Variants in TNN observed in about 807,000 individuals in gnomAD.
The protein encoded by TNN is tenascin N, also known as tenascin-N.
TNN carries 122 observed loss-of-function variants against 134.4 expected under a neutral mutation model. That is an observed-to-expected ratio of 0.91 (90% CI 0.78 to 1.06). The LOEUF (loss-of-function observed/expected upper bound fraction) is 1.06, where lower values mean the gene tolerates loss of function less well. Ranked by LOEUF, TNN falls within the 50% of genes least tolerant of loss-of-function variation. The probability of loss-of-function intolerance (pLI) is 0.00; values close to 1 mark genes in which losing one functional copy is unlikely to be tolerated. For missense variants in TNN, 1,739 were observed against 1,699.4 expected, an observed-to-expected ratio of 1.02 and a Z score of -0.41; for synonymous variants, 710 against 670.3, an observed-to-expected ratio of 1.06 and a Z score of -0.91.
intron 17 of TNN, among the ~76,000 whole-genome samples, chr1:175,141,465 T>G (rs1393842773): frequency 6.6e-6 from 1 of 152,050 alleles, no homozygotes; most frequent in Non-Finnish European, 1.5e-5. Flanking sequence ...CAGGGATGGA[T>G]TTTTAAATGC....
In TNN at chr1:175,146,646, A is replaced by G. The variant is rs538496002; in HGVS notation, c.3760-285A>G. On this transcript the variant is annotated intron_variant, in intron 18 of 18. Transcript: ENST00000239462. ...CTCTGTGGCTGCTCTGGCCTCACCC[A>G]GCTCCCGGGCTCACACCCCCTTGCT... 1.8e-4 allele frequency among the ~76,000 whole-genome samples: 27 copies of G among 151,918 alleles called. No homozygotes were observed. In the East Asian group the frequency reaches 5.0e-3, roughly 28 times the overall value.
chr1:175,111,485 T>A (rs1348292107), intron 9 of TNN, among the ~76,000 whole-genome samples: 1 of 38,106 alleles, frequency 2.6e-5, no homozygotes, highest in Admixed American at 4.9e-4. Context: ...AGACTCTGTC[T>A]CAAAAAAAAA....
intron 15 of TNN, among the ~76,000 whole-genome samples, chr1:175,130,397 T>C (rs1160847137): frequency 6.6e-6 from 1 of 152,178 alleles, no homozygotes; most frequent in Admixed American, 6.5e-5. Flanking sequence ...GATTGATTTA[T>C]AAAAACAACA....
intron 7 of TNN, among the ~76,000 whole-genome samples, chr1:175,097,063 G>T (rs1372650410): frequency 6.6e-6 from 1 of 152,176 alleles, no homozygotes; most frequent in African/African-American, 2.4e-5. Flanking sequence ...CAGTATAATT[G>T]CTTTCTAGTA....
intron 9 of TNN, among the ~76,000 whole-genome samples, chr1:175,105,765 A>G (rs1001164742): frequency 1.0e-4 from 15 of 145,480 alleles, no homozygotes; most frequent in African/African-American, 3.7e-4. Flanking sequence ...ATGCATTTCA[A>G]GGGTGAACCT....
At chr1:175,085,617 G>A (rs538044656) in intron 6 of TNN, 123 bp downstream of exon 6, 6 of 722,732 alleles carry the variant, frequency 8.3e-6, no homozygotes, top group East Asian at 2.8e-5. Context: ...GCTCACGCCT[G>A]TAATCCCAGC....
chr1:175,134,431 GCTA>G (rs1303555383), intron 15 of TNN, among the ~76,000 whole-genome samples: 1 of 151,904 alleles, frequency 6.6e-6, no homozygotes, highest in Non-Finnish European at 1.5e-5. Flanking sequence ...TGTAATCCCA[GCTA>G]CTTGGGAGGC....
intron 6 of TNN, among the ~76,000 whole-genome samples, chr1:175,088,930 T>A (rs1674379064): frequency 6.6e-6 from 1 of 152,198 alleles, no homozygotes. Context: ...GTTTCTGAGG[T>A]CTGAGAGCAT....
intron 6 of TNN, among the ~76,000 whole-genome samples, chr1:175,093,146 G>C (rs777510330): frequency 4.6e-5 from 7 of 152,222 alleles, no homozygotes; most frequent in Non-Finnish European, 1.0e-4. Context: ...ATAGTCCACT[G>C]TCCCTCTCAC....
Position 175,131,899 on chromosome 1 carries a change from G to T in TNN, c.3330+3153G>T, listed in dbSNP as rs144822139. On this transcript the variant is annotated intron_variant, in intron 15 of 18. Transcript: ENST00000239462. ...AGAATCATTTTTGGAAGCTTCCCTG[G>T]CCCAGATGAAGTATTATTACACACA... 5.8e-5 allele frequency among the ~76,000 whole-genome samples: 8 copies of T among 138,934 alleles called. No homozygotes were observed. In the East Asian group the frequency reaches 1.6e-3, roughly 29 times the overall value. 91.1% of individuals were successfully genotyped at this position (138,934 alleles called of 152,430 possible).
chr1:175,102,723 C>A (rs1364638718), intron 9 of TNN, among the ~76,000 whole-genome samples: 1 of 146,212 alleles, frequency 6.8e-6, no homozygotes, highest in Non-Finnish European at 1.5e-5. Flanking sequence ...GGGCTCCAGC[C>A]TTGGCCAGCC....
chr1:175,077,047 A>G (rs1258872860), intron 1 of TNN, among the ~76,000 whole-genome samples: 1 of 152,238 alleles, frequency 6.6e-6, no homozygotes, highest in Non-Finnish European at 1.5e-5. Flanking sequence ...GTTGCTGTAA[A>G]GATCCAGAAT....
intron 1 of TNN, among the ~76,000 whole-genome samples, chr1:175,071,057 C>G (rs1022535067): frequency 6.6e-6 from 1 of 152,216 alleles, no homozygotes; most frequent in Non-Finnish European, 1.5e-5. Context: ...CATTTGGGGA[C>G]AGAATATCTT....
chr1:175,146,911 T>TG lies in TNN; in HGVS notation c.3760-20_3760-19insG. On this transcript the variant is annotated intron_variant, in intron 18 of 18. Transcript: ENST00000239462. ...CCTAAGAGCCTCTTCTTGATGTGGC[T>TG]TTTTTTTTTTTTTTGGTAGGGGGTG... 1 of 260,876 alleles carries TG rather than the reference T, an allele frequency of 3.8e-6. No individual in the cohort carries two copies. The highest frequency in any genetic ancestry group is 5.3e-6 in the Non-Finnish European group (1 of 187,842). The allele number at this position is 260,876 out of a possible 1,614,324, so 16.2% of individuals were successfully genotyped here. A position where few individuals can be genotyped will look rare whatever the true frequency, so the allele number is the denominator to read the frequency against.
chr1:175,131,366 C>T (rs562779439), intron 15 of TNN, among the ~76,000 whole-genome samples: 1 of 152,206 alleles, frequency 6.6e-6, no homozygotes, highest in Non-Finnish European at 1.5e-5. Context: ...TCATTCAGGG[C>T]ATTGAGTAAG....
intron 11 of TNN, among the ~76,000 whole-genome samples, chr1:175,119,194 G>A (rs762461482): frequency 3.3e-5 from 5 of 152,234 alleles, no homozygotes; most frequent in Admixed American, 6.5e-5. Flanking sequence ...AGCCCTGAGG[G>A]CTTGTGGTTG....
At position 175,079,501 on chromosome 1, in the gene TNN, T is replaced by A. The variant is rs377059155; in HGVS notation, c.578T>A (p.Val193Glu). 6.4e-7 allele frequency: 1 copy of A among 1,562,510 alleles called. No individual in the cohort carries two copies. The highest frequency in any genetic ancestry group is 8.7e-7 in the Non-Finnish European group (1 of 1,155,040). Residue 193 changes from valine (V) to glutamate (E), a missense_variant, in exon 3 of 19, where the codon GTG becomes GAG. Val to Glu is a moderately radical substitution (Grantham distance 121, BLOSUM62 -2). Coordinates refer to ENST00000239462, the MANE Select transcript of TNN (RefSeq NM_022093.2). Reference protein sequence around the residue: ...DGRCLCHEPYVGADCGYPACP... With the variant: ...DGRCLCHEPYEGADCGYPACP... ...CGCTGCCTGTGCCATGAGCCCTACG[T>A]GGGTGCCGACTGCGGCTACCCGGCC...
chr1:175,081,156 C>A (rs1185708336), intron 4 of TNN, among the ~76,000 whole-genome samples: 1 of 152,224 alleles, frequency 6.6e-6, no homozygotes, highest in Non-Finnish European at 1.5e-5. Flanking sequence ...TCACAGAGAT[C>A]ACAGCCTGGG....
intron 18 of TNN, among the ~76,000 whole-genome samples, chr1:175,145,911 C>T (rs1676054642): frequency 6.6e-6 from 1 of 152,168 alleles, no homozygotes; most frequent in Non-Finnish European, 1.5e-5. Flanking sequence ...CCTCCACAAA[C>T]GCTGAGTCCC....
Sources: allele counts gnomAD v4.1 joint callset (sites outside exome capture counted in the v4.1 genomes callset), GRCh38; gene constraint gnomAD v4.1.1; transcripts MANE v1.5; gene names NCBI Gene and HGNC (gene_info 2026-07-23, HGNC 2026-07-21).